The following EPHA6 variants were observed in gnomAD, a reference collection of about 807,000 sequenced individuals.
EPHA6 encodes ephrin type-A receptor 6.
A neutral mutation model predicts 112.0 loss-of-function variants in EPHA6; 50 were observed. The observed-to-expected ratio is 0.45, with a 90% CI of 0.36 to 0.56. EPHA6 has a LOEUF of 0.56. Among genes scored for constraint, EPHA6 ranks in the 20% least tolerant of loss-of-function variants. The pLI, the probability that EPHA6 is intolerant of heterozygous loss-of-function variation, is 0.00. For synonymous variants in EPHA6, 529 were observed against 490.7 expected, an observed-to-expected ratio of 1.08 and a Z score of -1.03; for missense variants, 1,280 against 1,417.4, an observed-to-expected ratio of 0.90 and a Z score of 1.56.
chr3:97,049,263 C>G (rs1253857975), intron 3 of EPHA6, among the ~76,000 whole-genome samples: 1 of 152,158 alleles, frequency 6.6e-6, no homozygotes, highest in South Asian at 2.1e-4. Flanking sequence ...CAGCATCTCT[C>G]TGGCTACTGT....
intron 16 of EPHA6, among the ~76,000 whole-genome samples, chr3:97,740,062 A>G (rs1000943319): frequency 2.0e-5 from 3 of 152,026 alleles, no homozygotes; most frequent in Admixed American, 2.0e-4. Flanking sequence ...AACCCTCAGG[A>G]CTAGCCTTGT....
intron 11 of EPHA6, among the ~76,000 whole-genome samples, chr3:97,541,748 T>A (rs2092856471): frequency 7.0e-6 from 1 of 142,374 alleles, no homozygotes; most frequent in Non-Finnish European, 1.5e-5. Context: ...TTTGTTTGTT[T>A]GTTTTAAAGA....
chr3:97,620,758 C>T lies in EPHA6; in HGVS notation c.2574+9904C>T, dbSNP rs564454411. ...GAATGGCTATTATTAAAAAATCAAA[C>T]ATTAATAGATGCAGGCAAGGTGGTG... is the stretch of plus-strand genomic sequence containing the variant. On this transcript the variant is annotated intron_variant, in intron 13 of 17. Transcript: ENST00000389672. Among the ~76,000 whole-genome samples the T allele has an allele frequency of 1.4e-3, 213 of 151,810 alleles. 1 individual carries two copies. Among genetic ancestry groups the T allele is most frequent in the Admixed American group, 4.1e-3 (62 of 15,194 alleles).
In EPHA6 at chr3:97,555,969, G is replaced by A. The variant is rs945082161; in HGVS notation, c.2386+23426G>A. Among the ~76,000 whole-genome samples the A allele has an allele frequency of 4.0e-5, 6 of 151,772 alleles. No individual in the cohort carries two copies. The South Asian group carries it at 8.3e-4, about 21-fold the overall frequency. On this transcript the variant is annotated intron_variant, in intron 11 of 17. Coordinates refer to ENST00000389672, the MANE Select transcript of EPHA6 (RefSeq NM_001080448.3). ...TGCCTTTCATATGCAAACCACCCAC[G>A]CCAAAGCTCATAGGTCCCAAACCAC...
At chr3:97,264,321 G>A (rs1412511299) in intron 5 of EPHA6, among the ~76,000 whole-genome samples, 1 of 152,220 alleles carries the variant, frequency 6.6e-6, no homozygotes, top group Non-Finnish European at 1.5e-5. Context: ...CATGGGGTCC[G>A]GCCATTGCGC....
At chr3:97,545,279 G>T (rs1181716195) in intron 11 of EPHA6, among the ~76,000 whole-genome samples, 2 of 151,778 alleles carry the variant, frequency 1.3e-5, no homozygotes, top group African/African-American at 4.8e-5. Flanking sequence ...TGTTCTCGTT[G>T]GTTTCAAAGA....
At chr3:97,652,295 C>T (rs986144844) in intron 14 of EPHA6, among the ~76,000 whole-genome samples, 1 of 152,004 alleles carries the variant, frequency 6.6e-6, no homozygotes, top group Non-Finnish European at 1.5e-5. Flanking sequence ...GTGTAAAAAG[C>T]TTCACATCAA....
chr3:97,306,960 G>A (rs941035640), intron 5 of EPHA6, among the ~76,000 whole-genome samples: 2 of 150,432 alleles, frequency 1.3e-5, no homozygotes, highest in African/African-American at 4.9e-5. Flanking sequence ...GTTACCTTAT[G>A]TATTGATTTT....
chr3:97,621,618 C>A (rs1047779223), intron 13 of EPHA6, among the ~76,000 whole-genome samples: 6 of 151,714 alleles, frequency 4.0e-5, no homozygotes, highest in Non-Finnish European at 8.8e-5. Flanking sequence ...CCATACCAAT[C>A]TGAAGGGCCC....
chr3:97,502,128 C>A (rs941333493), intron 10 of EPHA6, among the ~76,000 whole-genome samples: 1 of 148,384 alleles, frequency 6.7e-6, no homozygotes, highest in Non-Finnish European at 1.5e-5. Flanking sequence ...AACATTGAGG[C>A]TGTTTTGACC....
At chr3:96,840,405 C>T (rs941527567) in intron 1 of EPHA6, among the ~76,000 whole-genome samples, 2 of 152,092 alleles carry the variant, frequency 1.3e-5, no homozygotes, top group Non-Finnish European at 2.9e-5. Flanking sequence ...AGATTTCACA[C>T]AGGTGCCGTT....
intron 12 of EPHA6, among the ~76,000 whole-genome samples, chr3:97,607,496 C>A (rs2093688694): frequency 6.6e-6 from 1 of 151,256 alleles, no homozygotes; most frequent in East Asian, 1.9e-4. Context: ...TAACTGATTT[C>A]TTAGAGGATC....
chr3:96,901,054 G>A (rs1441605437), intron 2 of EPHA6, among the ~76,000 whole-genome samples: 1 of 152,116 alleles, frequency 6.6e-6, no homozygotes, highest in East Asian at 1.9e-4. Context: ...TACACATTTT[G>A]CTGGGAATAG....
chr3:97,583,665 T>C (rs2093462228), intron 11 of EPHA6, among the ~76,000 whole-genome samples: 1 of 152,204 alleles, frequency 6.6e-6, no homozygotes, highest in South Asian at 2.1e-4. Flanking sequence ...AAATATTCCA[T>C]GTTCATGGAT....
At chr3:97,025,520 A>G (rs1170203995) in intron 3 of EPHA6, among the ~76,000 whole-genome samples, 1 of 152,124 alleles carries the variant, frequency 6.6e-6, no homozygotes, top group Non-Finnish European at 1.5e-5. Flanking sequence ...TTTTGTTGCA[A>G]TTGCTTTCAG....
At chr3:97,686,823 A>G (rs902303856) in intron 14 of EPHA6, among the ~76,000 whole-genome samples, 1 of 152,170 alleles carries the variant, frequency 6.6e-6, no homozygotes, top group South Asian at 2.1e-4. Flanking sequence ...GGAACACTGA[A>G]TCTTGGAGTC....
At chr3:97,514,574 A>C (rs571814513) in intron 10 of EPHA6, among the ~76,000 whole-genome samples, 98 of 152,274 alleles carry the variant, frequency 6.4e-4, no homozygotes, top group African/African-American at 2.3e-3. Flanking sequence ...AGAAGGAAAA[A>C]TGGGTTTTAG....
At chr3:97,298,307 A>C (rs563418810) in intron 5 of EPHA6, among the ~76,000 whole-genome samples, 2 of 152,310 alleles carry the variant, frequency 1.3e-5, no homozygotes, top group African/African-American at 4.8e-5. Context: ...GAAATGACAG[A>C]GTTAGAACTT....
intron 3 of EPHA6, among the ~76,000 whole-genome samples, chr3:97,185,161 A>G (rs2077092071): frequency 6.6e-6 from 1 of 152,242 alleles, no homozygotes; most frequent in Non-Finnish European, 1.5e-5. Flanking sequence ...ATGGGCAAGG[A>G]CTTCATGTCT....
Sources: allele counts gnomAD v4.1 joint callset (sites outside exome capture counted in the v4.1 genomes callset), GRCh38; gene constraint gnomAD v4.1.1; transcripts MANE v1.5; gene names NCBI Gene and HGNC (gene_info 2026-07-23, HGNC 2026-07-21).